The following REV3L variants were observed in gnomAD, a reference collection of about 807,000 sequenced individuals.
REV3L encodes DNA polymerase zeta catalytic subunit.
Under a neutral mutation model 299.4 loss-of-function variants are expected in REV3L, and 69 were observed. The observed-to-expected ratio is 0.23, with a 90% CI of 0.19 to 0.28. REV3L has a LOEUF of 0.28. REV3L is among the 10% of genes least tolerant of loss of function. The pLI, the probability that REV3L is intolerant of heterozygous loss-of-function variation, is 1.00. For missense variants in REV3L, 3,128 were observed against 3,693.8 expected (o/e 0.85, Z 3.97); for synonymous variants, 1,238 against 1,271.4 (o/e 0.97, Z 0.56).
At chr6:111,427,073 G>T (rs934941214) in intron 1 of REV3L, among the ~76,000 whole-genome samples, 10 of 152,040 alleles carry the variant, frequency 6.6e-5, no homozygotes, top group Non-Finnish European at 1.3e-4. Context: ...ATTATGACAT[G>T]AAAATTCATC....
At chr6:111,325,316 C>A (rs2114797581) in intron 25 of REV3L, among the ~76,000 whole-genome samples, 1 of 152,276 alleles carries the variant, frequency 6.6e-6, no homozygotes, top group South Asian at 2.1e-4. Flanking sequence ...AAACTGTCAA[C>A]ATATAAAAAT....
chr6:111,409,854 C>T (rs569263169), intron 3 of REV3L, among the ~76,000 whole-genome samples: 7 of 152,098 alleles, frequency 4.6e-5, no homozygotes, highest in African/African-American at 1.4e-4. Flanking sequence ...TCAGAACTGA[C>T]GTTTTCATTT....
intron 1 of REV3L, among the ~76,000 whole-genome samples, chr6:111,442,899 ATGTG>A (rs141289999): frequency 1.3e-5 from 2 of 151,148 alleles, no homozygotes; most frequent in Admixed American, 1.3e-4. Context: ...CTCTGTGTGT[ATGTG>A]TGTGTGTGTG....
At chr6:111,303,699 GACTTTTT>G in intron 31 of REV3L, among the ~76,000 whole-genome samples, 1 of 10,644 alleles carries the variant, frequency 9.4e-5, no homozygotes, top group African/African-American at 2.3e-4. Flanking sequence ...AACAGACTAT[GACTTTTT>G]TTTTTTTTTT....
rs193161088 is a variant in REV3L at position 111,480,861 on chromosome 6, G to A, written c.139+1889C>T. Among the ~76,000 whole-genome samples, 6 of 139,358 alleles carry A rather than the reference G, an allele frequency of 4.3e-5. No homozygotes were observed. The East Asian group carries it at 1.0e-3, about 24-fold the overall frequency. 91.4% of individuals were successfully genotyped at this position (139,358 alleles called of 152,430 possible). On this transcript the variant is annotated intron_variant, in intron 1 of 31. Coordinates refer to ENST00000368802, the MANE Select transcript of REV3L (RefSeq NM_001372078.1). ...TTGTTTTTTTTTTTTTTTTTAAGGT[G>A]CTGGTAATCTATTGTGGGATGTCCA...
chr6:111,405,898 G>T (rs1783566420), intron 3 of REV3L, among the ~76,000 whole-genome samples: 2 of 151,750 alleles, frequency 1.3e-5, no homozygotes, highest in African/African-American at 4.8e-5. Context: ...AAAATTAAAA[G>T]GTTTTTAAAA....
At chr6:111,426,140 T>C (rs1786151044) in intron 1 of REV3L, among the ~76,000 whole-genome samples, 3 of 152,200 alleles carry the variant, frequency 2.0e-5, no homozygotes, top group African/African-American at 7.2e-5. Flanking sequence ...AAGTGAGCAG[T>C]ACTATCGGAC....
At chr6:111,301,340 C>CTGT (rs913574835) in intron 31 of REV3L, among the ~76,000 whole-genome samples, 13 of 152,102 alleles carry the variant, frequency 8.5e-5, no homozygotes, top group African/African-American at 3.1e-4. Flanking sequence ...TGCCTCTTTG[C>CTGT]TGTTGTGATA....
At chr6:111,382,317 G>C (rs529568569) in intron 9 of REV3L, among the ~76,000 whole-genome samples, 1 of 152,280 alleles carries the variant, frequency 6.6e-6, no homozygotes, top group South Asian at 2.1e-4. Context: ...GAAGAGGGTA[G>C]AAAAGACAGT....
chr6:111,424,581 A>C (rs544155823), intron 1 of REV3L, among the ~76,000 whole-genome samples: 47 of 152,334 alleles, frequency 3.1e-4, no homozygotes, highest in African/African-American at 8.7e-4. Flanking sequence ...AACAGTCTTG[A>C]AAATCAAAGC....
intron 25 of REV3L, among the ~76,000 whole-genome samples, chr6:111,326,967 G>A (rs1188591455): frequency 6.6e-6 from 1 of 152,132 alleles, no homozygotes; most frequent in African/African-American, 2.4e-5. Flanking sequence ...CATATGATGA[G>A]GGGTCAAATG....
chr6:111,418,014 A>G (rs1784944414), intron 1 of REV3L, among the ~76,000 whole-genome samples: 1 of 152,220 alleles, frequency 6.6e-6, no homozygotes, highest in Non-Finnish European at 1.5e-5. Context: ...AAACTATATT[A>G]ATGAGTCTTA....
intron 4 of REV3L, among the ~76,000 whole-genome samples, chr6:111,399,335 GA>G: frequency 6.6e-6 from 1 of 152,230 alleles, no homozygotes; most frequent in African/African-American, 2.4e-5. Context: ...GGGTACCACA[GA>G]GAGTTTCCAT....
chr6:111,474,861 A>T (rs1367425496), intron 1 of REV3L, among the ~76,000 whole-genome samples: 1 of 152,010 alleles, frequency 6.6e-6, no homozygotes, highest in African/African-American at 2.4e-5. Flanking sequence ...AAATTACCAA[A>T]CAGTATACTT....
rs141702431 is a variant in REV3L at position 111,374,796 on chromosome 6, C to T, written c.3559G>A (p.Val1187Ile). 286 of 1,612,952 alleles carry T rather than the reference C, an allele frequency of 1.8e-4. No individual in the cohort carries two copies. The African/African-American group carries it at 3.3e-3, about 18-fold the overall frequency. The change falls in exon 13 of 32, where the codon GTT becomes ATT. Residue 1187 changes from valine (V) to isoleucine (I), a missense_variant. Around this residue, in one of 9 missense-constraint regions of REV3L, gnomAD observed 2,409 missense variants for 2,611.8 expected, o/e 0.92. Coordinates refer to ENST00000368802, the MANE Select transcript of REV3L (RefSeq NM_001372078.1). ...SKAKLANPSIVTKKRNKRNQT... is the reference protein window; with the variant it reads ...SKAKLANPSIITKKRNKRNQT... ...TTTCGTTTGTTCCTTTTCTTAGTAA[C>T]TATAGAGGGATTAGCAAGCTTTGCT... is the stretch of plus-strand genomic sequence containing the variant.
At chr6:111,403,077 G>A (rs1783251829) in intron 4 of REV3L, among the ~76,000 whole-genome samples, 1 of 152,106 alleles carries the variant, frequency 6.6e-6, no homozygotes, top group Non-Finnish European at 1.5e-5. Context: ...AAGAAACGAA[G>A]TACTGATATA....
rs1339877171 is a variant in REV3L at position 111,374,396 on chromosome 6, G to A, written c.3959C>T (p.Pro1320Leu). ...TCCTATAGAATTACAAACAACTGAT[G>A]GATGCAAATCATCTCGTGAACTGGG... ...TFPSSRDDLHPSVVCNSIGPG... is the reference protein window; with the variant it reads ...TFPSSRDDLHLSVVCNSIGPG... Residue 1320 changes from proline to leucine, a missense_variant, in exon 13 of 32, where the codon CCA becomes CTA. Coordinates refer to ENST00000368802, the MANE Select transcript of REV3L (RefSeq NM_001372078.1). 6.2e-7 allele frequency: 1 copy of A among 1,613,892 alleles called. No homozygotes were observed. The highest frequency in any genetic ancestry group is 1.1e-5 in the South Asian group (1 of 91,062).
chr6:111,422,612 A>C (rs1785558625), intron 1 of REV3L, among the ~76,000 whole-genome samples: 3 of 9,656 alleles, frequency 3.1e-4, no homozygotes, highest in African/African-American at 1.5e-3. Flanking sequence ...ATATATATAT[A>C]CACATATATA....
chr6:111,335,652 T>TTG, intron 21 of REV3L, 42 bp from the exon 22 acceptor site: 2 of 1,575,708 alleles, frequency 1.3e-6, no homozygotes, highest in Non-Finnish European at 1.7e-6. Flanking sequence ...AGGGAAAAAT[T>TTG]TGGACACTTG....
Sources: gnomAD v4.1 joint callset for allele counts (sites outside exome capture counted in the v4.1 genomes callset) on GRCh38, gnomAD v4.1.1 for gene constraint, gnomAD v4.1.1 regional missense constraint, MANE v1.5 for transcripts, NCBI Gene and HGNC (gene_info 2026-07-23, HGNC 2026-07-21) for gene names.